FRMD4A: variants seen among roughly 807,000 people sequenced by gnomAD.
FRMD4A encodes the protein FERM domain containing 4A.
A neutral mutation model predicts 129.1 loss-of-function variants in FRMD4A; 29 were observed. The observed-to-expected ratio is 0.22, with a 90% CI of 0.17 to 0.31. The LOEUF (loss-of-function observed/expected upper bound fraction) is 0.31. Ranked by LOEUF, FRMD4A falls within the 10% of genes least tolerant of loss-of-function variation. FRMD4A has a pLI of 1.00. For missense variants in FRMD4A, 1,272 were observed against 1,375.8 expected, an observed-to-expected ratio of 0.92 and a Z score of 1.19; for synonymous variants, 634 against 571.6, an observed-to-expected ratio of 1.11 and a Z score of -1.56.
chr10:13,764,183 C>CTGTGTGTG lies in FRMD4A; in HGVS notation c.385-1504_385-1503insCACACACA, dbSNP rs1564761539. The stretch of plus-strand genomic sequence containing the variant: ...ACATATCGATCACATCCAAAGATTT[C>CTGTGTGTG]CGTGTGTGTGTGTGTGTGTGTGTGT... On this transcript the variant is annotated intron_variant, in intron 6 of 24. Transcript: ENST00000357447. Among the ~76,000 whole-genome samples the CTGTGTGTG allele has an allele frequency of 6.8e-3, 595 of 87,312 alleles. 5 individuals carry two copies. The highest frequency in any genetic ancestry group is 0.028 in the African/African-American group (566 of 20,186). The allele number at this position is 87,312 out of a possible 152,430, so 57.3% of individuals were successfully genotyped here.
At position 13,843,873 on chromosome 10, in the gene FRMD4A, C is replaced by A. The variant is rs1326155103; in HGVS notation, c.111+14974G>T. ...CTGGGGCATCCCAGCAGCAGTGTAA[C>A]CACTCCCTGCAGAGAGGACACAAGT... On this transcript the variant is annotated intron_variant, in intron 3 of 24. Transcript: ENST00000357447. 3.9e-5 allele frequency among the ~76,000 whole-genome samples: 6 copies of A among 152,146 alleles called. No individual in the cohort carries two copies. In the East Asian group the frequency reaches 1.2e-3, roughly 29 times the overall value.
Position 13,657,129 on chromosome 10 carries a change from C to T in FRMD4A, c.2460G>A (p.Val820=). 2 of 1,523,196 alleles carry T rather than the reference C, an allele frequency of 1.3e-6. No homozygotes were observed. Among genetic ancestry groups the T allele is most frequent in the African/African-American group, 1.4e-5 (1 of 70,568 alleles). The allele number at this position is 1,523,196 out of a possible 1,614,324, so 94.4% of individuals were successfully genotyped here. A position where few individuals can be genotyped will look rare whatever the true frequency, so the allele number is the denominator to read the frequency against. Reference sequence around the variant, plus strand: ...TGGGCTGGCTCTGGCTGTGCAGGTACACACCGCCCCCCGCGCCCCCCGCGC... The same window carrying T: ...TGGGCTGGCTCTGGCTGTGCAGGTATACACCGCCCCCCGCGCCCCCCGCGC... ...AGGAGGAGGG[V]YLHSQSQPSS... Residue 820 remains valine, a synonymous_variant, in exon 22 of 25, where the codon GTG becomes GTA. Transcript: ENST00000357447.
chr10:13,773,592 A>G (rs1233715662), intron 6 of FRMD4A, among the ~76,000 whole-genome samples: 2 of 152,236 alleles, frequency 1.3e-5, no homozygotes, highest in African/African-American at 4.8e-5. Context: ...TAGCTGTAAG[A>G]TGTATAATTT....
intron 2 of FRMD4A, among the ~76,000 whole-genome samples, chr10:13,884,960 T>A (rs543081780): frequency 6.6e-6 from 1 of 152,342 alleles, no homozygotes; most frequent in South Asian, 2.1e-4. Flanking sequence ...CACCTCCACT[T>A]CTACAGCCAG....
intron 15 of FRMD4A, chr10:13,692,846 G>GT (rs1191207511): frequency 6.6e-6 from 1 of 152,040 alleles, no homozygotes; most frequent in Non-Finnish European, 1.5e-5. Flanking sequence ...CATCAATCAG[G>GT]TTTTTTTCTC....
At chr10:14,166,865 C>A (rs910144963) in intron 2 of FRMD4A, among the ~76,000 whole-genome samples, 1 of 152,178 alleles carries the variant, frequency 6.6e-6, no homozygotes, top group African/African-American at 2.4e-5. Context: ...CCCCATGAGC[C>A]CTTAGAGAGC....
chr10:13,981,728 G>GA (rs1203292259), intron 2 of FRMD4A, among the ~76,000 whole-genome samples: 1 of 129,850 alleles, frequency 7.7e-6, no homozygotes, highest in African/African-American at 2.8e-5. Flanking sequence ...AACAGGGCAA[G>GA]ACTCCGTGTC....
chr10:13,667,024 G>T (rs1284553957), intron 17 of FRMD4A, among the ~76,000 whole-genome samples: 3 of 148,936 alleles, frequency 2.0e-5, no homozygotes, highest in Admixed American at 6.8e-5. Flanking sequence ...TGATTCTCCT[G>T]CCTCAGCCTC....
At chr10:14,325,265 C>G (rs1213905130) in intron 2 of FRMD4A, among the ~76,000 whole-genome samples, 1 of 152,212 alleles carries the variant, frequency 6.6e-6, no homozygotes, top group African/African-American at 2.4e-5. Context: ...CTGAATCTAT[C>G]AGATTAGACC....
chr10:13,709,614 C>G (rs111876924), intron 12 of FRMD4A, among the ~76,000 whole-genome samples: 1 of 152,270 alleles, frequency 6.6e-6, no homozygotes, highest in Non-Finnish European at 1.5e-5. Flanking sequence ...CCTCCTCTCA[C>G]GTAAGGGATG....
intron 15 of FRMD4A, among the ~76,000 whole-genome samples, chr10:13,689,273 T>C (rs7918901): frequency 0.36 from 50,060 of 140,226 alleles, 9,043 homozygotes; most frequent in African/African-American, 0.45. Context: ...AGTTGGGAGC[T>C]AGCAGAAATG....
intron 2 of FRMD4A, among the ~76,000 whole-genome samples, chr10:14,177,207 GT>G (rs895019045): frequency 6.6e-6 from 1 of 151,362 alleles, no homozygotes; most frequent in Non-Finnish European, 1.5e-5. Flanking sequence ...TTTTGTTTTT[GT>G]TTTTTTTGAG....
At chr10:13,863,897 C>G (rs971747405) in intron 2 of FRMD4A, among the ~76,000 whole-genome samples, 5 of 152,072 alleles carry the variant, frequency 3.3e-5, no homozygotes, top group African/African-American at 4.8e-5. Context: ...AGTCATAAGA[C>G]AGCAACTTCA....
intron 8 of FRMD4A, chr10:13,756,194 T>A (rs1268680478): frequency 6.6e-6 from 1 of 152,228 alleles, no homozygotes; most frequent in Non-Finnish European, 1.5e-5. Flanking sequence ...CAATAAATCT[T>A]GTTAACAAAA....
chr10:14,135,102 C>T (rs1030844573), intron 2 of FRMD4A, among the ~76,000 whole-genome samples: 2 of 152,306 alleles, frequency 1.3e-5, no homozygotes, highest in Admixed American at 6.5e-5. Flanking sequence ...AGCATTCTGT[C>T]CATCAGCAGT....
At chr10:14,173,485 C>A (rs1415000184) in intron 2 of FRMD4A, among the ~76,000 whole-genome samples, 1 of 152,106 alleles carries the variant, frequency 6.6e-6, no homozygotes, top group Non-Finnish European at 1.5e-5. Flanking sequence ...GCTATTTTTC[C>A]GAGAACACAC....
Position 13,730,656 on chromosome 10 carries a change from A to G in FRMD4A, c.759+7188T>C, listed in dbSNP as rs59052384. On this transcript the variant is annotated intron_variant, in intron 12 of 24. Transcript: ENST00000357447. ...GCAGCGCTTCTTTCTATTCCCACAC[A>G]TATGCACATGCTAAAATGGAATGTG... Among the ~76,000 whole-genome samples the G allele has an allele frequency of 2.3e-3, 349 of 152,166 alleles. 3 individuals are homozygous for G. The highest frequency in any genetic ancestry group is 7.6e-3 in the African/African-American group (316 of 41,518).
intron 2 of FRMD4A, among the ~76,000 whole-genome samples, chr10:14,175,520 TC>T (rs967725124): frequency 8.7e-6 from 1 of 115,300 alleles, no homozygotes; most frequent in East Asian, 2.9e-4. Flanking sequence ...CCAGTTTGCT[TC>T]CTTTTTTTTT....
intron 16 of FRMD4A, 142 bp downstream of exon 16, chr10:13,674,769 C>CT: frequency 1.1e-6 from 1 of 933,564 alleles, no homozygotes; most frequent in Non-Finnish European, 1.6e-6. Flanking sequence ...GATAGGCCCT[C>CT]TTTTTATCAC....
Sources: allele counts gnomAD v4.1 joint callset (sites outside exome capture counted in the v4.1 genomes callset), GRCh38; gene constraint gnomAD v4.1.1; transcripts MANE v1.5; gene names NCBI Gene and HGNC (gene_info 2026-07-23, HGNC 2026-07-21).